BRF1: variants seen among roughly 807,000 people sequenced by gnomAD.
The protein encoded by BRF1 is transcription factor IIIB 90 kDa subunit.
Under a neutral mutation model 81.7 loss-of-function variants are expected in BRF1, and 59 were observed. The observed-to-expected ratio is 0.72, with a 90% CI of 0.59 to 0.90. BRF1 has a LOEUF of 0.90. Ranked by LOEUF, BRF1 falls within the 40% of genes least tolerant of loss-of-function variation. The pLI, the probability that BRF1 is intolerant of heterozygous loss-of-function variation, is 0.00. For synonymous variants in BRF1, 491 were observed against 395.6 expected (o/e 1.24, Z -2.86); for missense variants, 1,050 against 936.3 (o/e 1.12, Z -1.58).
At chr14:105,274,925 G>A (rs587637916) in intron 2 of BRF1, among the ~76,000 whole-genome samples, 1 of 152,216 alleles carries the variant, frequency 6.6e-6, no homozygotes, top group Non-Finnish European at 1.5e-5. Context: ...GGTGGGTCAC[G>A]GCTCGATGCA....
At chr14:105,274,440 T>C (rs1169990287) in intron 2 of BRF1, among the ~76,000 whole-genome samples, 1 of 152,158 alleles carries the variant, frequency 6.6e-6, no homozygotes, top group African/African-American at 2.4e-5. Flanking sequence ...TGACGAGATA[T>C]ACCCACAGGT....
At chr14:105,302,746 C>G (rs1222495216), upstream of BRF1, among the ~76,000 whole-genome samples, 2 of 151,994 alleles carry the variant, frequency 1.3e-5, no homozygotes, top group African/African-American at 4.8e-5. Context: ...CCACCACACC[C>G]AGATAATATT....
chr14:105,249,235 G>A (rs762587853), intron 5 of BRF1: 7 of 1,582,498 alleles, frequency 4.4e-6, no homozygotes, highest in Non-Finnish European at 6.0e-6. Flanking sequence ...CCAGGACGGT[G>A]CCCGCCCACA....
intron 3 of BRF1, among the ~76,000 whole-genome samples, chr14:105,258,461 C>A (rs2055990021): frequency 6.6e-6 from 1 of 150,974 alleles, no homozygotes; most frequent in South Asian, 2.1e-4. Flanking sequence ...CGCACTCCAG[C>A]CTGGGCGACA....
intron 7 of BRF1, among the ~76,000 whole-genome samples, 188 bp downstream of exon 7, chr14:105,228,632 G>A (rs1370013509): frequency 3.3e-5 from 5 of 152,100 alleles, no homozygotes; most frequent in African/African-American, 1.2e-4. Flanking sequence ...GGAACTCTCT[G>A]GAGGGAGGCG....
rs2054252694 is a variant in BRF1, at chr14:105,228,928, G to C, written c.695-15C>G. 2 of 1,612,554 alleles carry C rather than the reference G, an allele frequency of 1.2e-6. No homozygotes were observed. The highest frequency in any genetic ancestry group is 1.7e-6 in the Non-Finnish European group (2 of 1,179,612). On this transcript the variant is annotated splice_polypyrimidine_tract_variant and intron_variant, in intron 6 of 17. Transcript: ENST00000547530. ...AACCAGGAGCGCTGGAAGGCAACGA[G>C]ACGGGCCTCGTCAACCACGGCTGGG...
At chr14:105,215,206 CT>C (rs1890901994) in intron 15 of BRF1, among the ~76,000 whole-genome samples, 1 of 151,434 alleles carries the variant, frequency 6.6e-6, no homozygotes, top group South Asian at 2.1e-4. Context: ...AGTTGAGAGA[CT>C]TAAGACACAC....
chr14:105,311,028 A>G (rs767066152), intron 1 of BRF1, among the ~76,000 whole-genome samples: 3 of 150,772 alleles, frequency 2.0e-5, no homozygotes, highest in Admixed American at 6.6e-5. Flanking sequence ...TCTTGGCTCA[A>G]TGGAACCTCT....
chr14:105,265,054 G>GTTTTTTTTTTTTT (rs587673120), intron 3 of BRF1, among the ~76,000 whole-genome samples: 1 of 130,146 alleles, frequency 7.7e-6, no homozygotes, highest in African/African-American at 3.0e-5. Context: ...CCTTTTTTTT[G>GTTTTTTTTTTTTT]TTTTTTTTTT....
rs928875653 is a variant in BRF1, at chr14:105,309,776, CTTTTTTTTTT to C, written c.-162+5536_-162+5545del. On this transcript the variant is annotated intron_variant, in intron 1 of 17. Transcript: ENST00000327359. This position sits in a 1 kb window ranked among gnomAD's most constrained non-coding sequence, Gnocchi z 4.0. ...TTAAGGAGAAGGTGGTGATGTGTGTCTTTTTTTTTTTTTTTTTTTTTTTTTTTTAGACGGA... is the reference window on the plus strand; with the variant it reads ...TTAAGGAGAAGGTGGTGATGTGTGTCTTTTTTTTTTTTTTTTTTAGACGGA... 3.4e-5 allele frequency among the ~76,000 whole-genome samples: 3 copies of C among 89,212 alleles called. No homozygotes were observed. Among genetic ancestry groups the C allele is most frequent in the Admixed American group, 1.3e-4 (1 of 7,786 alleles). 58.5% of individuals were successfully genotyped at this position (89,212 alleles called of 152,430 possible). A position where few individuals can be genotyped will look rare whatever the true frequency, so the allele number is the denominator to read the frequency against.
chr14:105,293,303 A>G (rs1188497071), intron 1 of BRF1, among the ~76,000 whole-genome samples: 2 of 152,222 alleles, frequency 1.3e-5, no homozygotes, highest in Admixed American at 6.5e-5. Flanking sequence ...CATGTCACAA[A>G]TTAGGTCCGG....
At chr14:105,295,935 CG>C (rs2057720784) in intron 1 of BRF1, among the ~76,000 whole-genome samples, 1 of 151,416 alleles carries the variant, frequency 6.6e-6, no homozygotes, top group Admixed American at 6.6e-5. Context: ...AAAAACCAGC[CG>C]GGTATGGTAG....
intron 4 of BRF1, chr14:105,256,133 A>C: frequency 7.2e-7 from 1 of 1,381,764 alleles, no homozygotes; most frequent in South Asian, 1.3e-5. Flanking sequence ...TCATAAATAA[A>C]TAAATAAATA....
intron 3 of BRF1, among the ~76,000 whole-genome samples, chr14:105,258,535 C>T (rs1595407417): frequency 2.0e-5 from 3 of 148,590 alleles, no homozygotes; most frequent in Non-Finnish European, 3.0e-5. Context: ...CAGTGGCTCA[C>T]GCCTGTAATC....
At chr14:105,256,390 G>A (rs976532841) in intron 4 of BRF1, 128 bp downstream of exon 4, 7 of 1,605,294 alleles carry the variant, frequency 4.4e-6, no homozygotes, top group Admixed American at 1.7e-5. Context: ...CTTCCTGACT[G>A]GGCAGGCAGC....
At chr14:105,274,391 GTC>G (rs1315144141) in intron 2 of BRF1, among the ~76,000 whole-genome samples, 1 of 152,150 alleles carries the variant, frequency 6.6e-6, no homozygotes, top group Non-Finnish European at 1.5e-5. Context: ...TCTATACTTT[GTC>G]TCTGTGTCAT....
At chr14:105,248,492 G>A (rs1196152331) in intron 5 of BRF1, 3 of 984,200 alleles carry the variant, frequency 3.0e-6, no homozygotes, top group Non-Finnish European at 3.6e-6. Flanking sequence ...CCTGGGGGCG[G>A]GGCCGCGAGG....
chr14:105,278,863 T>C (rs1451613761), intron 2 of BRF1, among the ~76,000 whole-genome samples: 1 of 151,992 alleles, frequency 6.6e-6, no homozygotes, highest in Non-Finnish European at 1.5e-5. Context: ...ACCAACATGG[T>C]GAAACCCCGT....
chr14:105,252,273 G>C (rs2055658248), intron 5 of BRF1: 1 of 701,924 alleles, frequency 1.4e-6, no homozygotes, highest in Non-Finnish European at 1.8e-6. Context: ...CCAGGAGTTT[G>C]AGGCTGCAGT....
Sources: allele counts gnomAD v4.1 joint callset (sites outside exome capture counted in the v4.1 genomes callset), GRCh38; gene constraint gnomAD v4.1.1; non-coding constraint Gnocchi (gnomAD v3.1); transcripts MANE v1.5; gene names NCBI Gene and HGNC (gene_info 2026-07-23, HGNC 2026-07-21).